The following KMT2C variants were observed in gnomAD, a reference collection of about 807,000 sequenced individuals.
KMT2C encodes lysine methyltransferase 2C.
KMT2C carries 88 observed loss-of-function variants against 507.9 expected under a neutral mutation model. The observed-to-expected ratio is 0.17, with a 90% CI of 0.15 to 0.21. KMT2C has a LOEUF of 0.21. Ranked by LOEUF, KMT2C falls within the 10% of genes least tolerant of loss-of-function variation. The pLI, the probability that KMT2C is intolerant of heterozygous loss-of-function variation, is 1.00. For synonymous variants in KMT2C, 2,049 were observed against 2,080.8 expected, an observed-to-expected ratio of 0.98 and a Z score of 0.42; for missense variants, 4,954 against 5,957.8, an observed-to-expected ratio of 0.83 and a Z score of 5.55.
At chr7:152,335,554 A>G (rs185524226) in intron 2 of KMT2C, among the ~76,000 whole-genome samples, 36 of 152,250 alleles carry the variant, frequency 2.4e-4, no homozygotes, top group African/African-American at 7.9e-4. Flanking sequence ...TGCTCTCTCC[A>G]ATCCAGTATG....
intron 3 of KMT2C, among the ~76,000 whole-genome samples, chr7:152,318,680 A>C (rs982736317): frequency 2.0e-5 from 3 of 151,934 alleles, no homozygotes; most frequent in African/African-American, 7.3e-5. Context: ...GTATAAACAC[A>C]AATGACATAT....
chr7:152,229,239 C>G (rs2095031930), intron 18 of KMT2C, among the ~76,000 whole-genome samples: 1 of 152,090 alleles, frequency 6.6e-6, no homozygotes, highest in Non-Finnish European at 1.5e-5. Flanking sequence ...ACAGCTATAC[C>G]TCCATGCTTG....
At chr7:152,146,429 G>A (rs2091105793) in intron 53 of KMT2C, among the ~76,000 whole-genome samples, 170 bp downstream of exon 53, 1 of 152,216 alleles carries the variant, frequency 6.6e-6, no homozygotes, top group South Asian at 2.1e-4. Flanking sequence ...TACCAACACG[G>A]CTGAGCTCTC....
intron 6 of KMT2C, among the ~76,000 whole-genome samples, chr7:152,305,514 T>G (rs1035180860): frequency 2.0e-5 from 3 of 151,842 alleles, no homozygotes; most frequent in Admixed American, 6.6e-5. Flanking sequence ...ACGTGAGGTG[T>G]GGTGAAGATC....
At chr7:152,378,689 C>G (rs2097347739) in intron 1 of KMT2C, among the ~76,000 whole-genome samples, 1 of 152,072 alleles carries the variant, frequency 6.6e-6, no homozygotes, top group Non-Finnish European at 1.5e-5. Flanking sequence ...TCTGCATATA[C>G]CCAGGTATTT....
At position 152,374,884 on chromosome 7, in the gene KMT2C, C is replaced by CAA. The variant is rs71198779; in HGVS notation, c.162-16211_162-16210dup. Among the ~76,000 whole-genome samples the CAA allele has an allele frequency of 5.2e-3, 405 of 77,610 alleles. 4 individuals are homozygous for CAA. The highest frequency in any genetic ancestry group is 0.018 in the Middle Eastern group (2 of 110). The allele number at this position is 77,610 out of a possible 152,430, so 50.9% of individuals were successfully genotyped here. On this transcript the variant is annotated intron_variant, in intron 1 of 58. Transcript: ENST00000262189. ...AGTGACACAGGGAGACTCTGTCTCT[C>CAA]AAAAAAAAAAAAAAAAATTGAAGAG... is the stretch of plus-strand genomic sequence containing the variant.
intron 1 of KMT2C, among the ~76,000 whole-genome samples, chr7:152,387,844 A>T (rs1286769209): frequency 1.3e-5 from 2 of 152,126 alleles, no homozygotes; most frequent in Non-Finnish European, 2.9e-5. Context: ...CGTCTTATCT[A>T]CAAACCAAAA....
chr7:152,234,394 GA>G (rs961917181), intron 16 of KMT2C, among the ~76,000 whole-genome samples: 14 of 141,522 alleles, frequency 9.9e-5, no homozygotes, highest in South Asian at 4.5e-4. Context: ...AAAGAAAGAA[GA>G]AAAAAAAAAG....
Position 152,135,154 on chromosome 7 carries a change from T to C in KMT2C, c.*1678A>G. ...TCAGGAAACAAATTTCATACAGCTA[T>C]TTATCAAGAGAAAAATATATACAAT... On this transcript the variant is annotated 3_prime_UTR_variant, in exon 59 of 59. Coordinates refer to ENST00000262189, the MANE Select transcript of KMT2C (RefSeq NM_170606.3). 1 of 225,010 alleles carries C rather than the reference T, an allele frequency of 4.4e-6. No homozygotes were observed. Among genetic ancestry groups the C allele is most frequent in the Non-Finnish European group, 8.9e-6 (1 of 112,688 alleles). The allele number at this position is 225,010 out of a possible 1,614,324, so 13.9% of individuals were successfully genotyped here. A position where few individuals can be genotyped will look rare whatever the true frequency, so the allele number is the denominator to read the frequency against.
chr7:152,320,622 A>G (rs1234991766), intron 3 of KMT2C, among the ~76,000 whole-genome samples: 1 of 152,014 alleles, frequency 6.6e-6, no homozygotes, highest in Non-Finnish European at 1.5e-5. Context: ...AAAAAAATTA[A>G]ATCAACAACA....
At chr7:152,190,241 G>A (rs747596912) in intron 31 of KMT2C, among the ~76,000 whole-genome samples, 10 of 152,146 alleles carry the variant, frequency 6.6e-5, no homozygotes, top group African/African-American at 1.2e-4. Context: ...AATATCAAAT[G>A]TCTTTCATGT....
intron 3 of KMT2C, among the ~76,000 whole-genome samples, chr7:152,318,092 C>T (rs967567904): frequency 6.6e-6 from 1 of 151,900 alleles, no homozygotes; most frequent in Non-Finnish European, 1.5e-5. Context: ...GAACTGAGAT[C>T]GTGCCACTGC....
At chr7:152,390,963 G>T (rs1210636411) in intron 1 of KMT2C, among the ~76,000 whole-genome samples, 1 of 151,740 alleles carries the variant, frequency 6.6e-6, no homozygotes, top group African/African-American at 2.4e-5. Flanking sequence ...TGGCTAAGAT[G>T]GTGAAACCCC....
At position 152,423,017 on chromosome 7, in the gene KMT2C, C is replaced by CA. The variant is rs1322603206; in HGVS notation, c.161+12608dup. The stretch of plus-strand genomic sequence containing the variant: ...GGGCAACAGAGCGAGACTCTCATCT[C>CA]AAAAAAAAAAAAAGAAAAAAAGAAA... On this transcript the variant is annotated intron_variant, in intron 1 of 58. Coordinates refer to ENST00000262189, the MANE Select transcript of KMT2C (RefSeq NM_170606.3). Among the ~76,000 whole-genome samples the CA allele has an allele frequency of 4.7e-3, 407 of 87,014 alleles. 1 individual carries two copies. Among genetic ancestry groups the CA allele is most frequent in the East Asian group, 0.02 (57 of 2,846 alleles). The allele number at this position is 87,014 out of a possible 152,430, so 57.1% of individuals were successfully genotyped here. A position where few individuals can be genotyped will look rare whatever the true frequency, so the allele number is the denominator to read the frequency against.
At position 152,151,942 on chromosome 7, in the gene KMT2C, A is replaced by G. The variant is rs181809549; in HGVS notation, c.12527-361T>C. 1.1e-4 allele frequency among the ~76,000 whole-genome samples: 17 copies of G among 152,362 alleles called. No individual in the cohort carries two copies. In the East Asian group the frequency reaches 3.1e-3, roughly 28 times the overall value. The stretch of plus-strand genomic sequence containing the variant: ...TAAGATGGTAAAAAAACATTTTATG[A>G]AAGATACAATGACATATGTATAAGA... On this transcript the variant is annotated intron_variant, in intron 49 of 58. Coordinates refer to ENST00000262189, the MANE Select transcript of KMT2C (RefSeq NM_170606.3).
Position 152,139,769 on chromosome 7 carries a change from C to T in KMT2C, c.14366G>A (p.Arg4789Gln), listed in dbSNP as rs2090310402. The change falls in exon 56 of 59, where the codon CGA becomes CAA. Residue 4789 changes from arginine (R) to glutamine (Q), a missense_variant. By Grantham distance (43) the Arg-to-Gln change is conservative. This residue lies in a region of KMT2C where 133 missense variants were observed against 258.9 expected (regional missense o/e 0.51). Coordinates refer to ENST00000262189, the MANE Select transcript of KMT2C (RefSeq NM_170606.3). ...RIQGLGLYAARDIEKHTMVIE... is the reference protein window; with the variant it reads ...RIQGLGLYAAQDIEKHTMVIE... ...GACCATGGTGTGTTTCTCAATGTCTCGAGCAGCATACAGGCCCAGCCCCTA... is the reference window on the plus strand; with the variant it reads ...GACCATGGTGTGTTTCTCAATGTCTTGAGCAGCATACAGGCCCAGCCCCTA... 5.0e-6 allele frequency: 8 copies of T among 1,613,856 alleles called. No homozygotes were observed. The highest frequency in any genetic ancestry group is 1.3e-5 in the African/African-American group (1 of 74,940).
In KMT2C at chr7:152,180,060, T is replaced by C. The variant is rs2129118257; in HGVS notation, c.7216A>G (p.Lys2406Glu). ...QQKKIAGRQE[K>E]GSQDSPAVPH... ...ACTGCGGGTGAGTCCTGTGACCCCT[T>C]CTCCTGTCGACCTGCAATCTTCTTC... The change falls in exon 37 of 59, where the codon AAG becomes GAG. Residue 2406 changes from lysine (K) to glutamate (E), a missense_variant. Transcript: ENST00000262189. The C allele has an allele frequency of 6.2e-7, 1 of 1,614,108 alleles. No individual in the cohort carries two copies. The highest frequency in any genetic ancestry group is 1.3e-5 in the African/African-American group (1 of 75,020).
chr7:152,359,580 G>A (rs1299488470), intron 1 of KMT2C, among the ~76,000 whole-genome samples: 1 of 151,808 alleles, frequency 6.6e-6, no homozygotes, highest in Non-Finnish European at 1.5e-5. Context: ...GACCAGCCTG[G>A]CCATCATGGC....
At chr7:152,289,546 A>C (rs1317028952) in intron 6 of KMT2C, among the ~76,000 whole-genome samples, 1 of 152,236 alleles carries the variant, frequency 6.6e-6, no homozygotes, top group Non-Finnish European at 1.5e-5. Flanking sequence ...TGTAAGAACA[A>C]ATAACAAACC....
Sources: gnomAD v4.1 joint callset for allele counts (sites outside exome capture counted in the v4.1 genomes callset) on GRCh38, gnomAD v4.1.1 for gene constraint, gnomAD v4.1.1 regional missense constraint, MANE v1.5 for transcripts, NCBI Gene and HGNC (gene_info 2026-07-23, HGNC 2026-07-21) for gene names.